C3orf20: variants seen among roughly 807,000 people sequenced by gnomAD.
The protein encoded by C3orf20 is family with sequence similarity 149 member C.
In C3orf20, 76 loss-of-function variants were observed where a neutral mutation model predicts 88.3. The ratio of observed to expected loss-of-function variants is 0.86; its 90% confidence interval spans 0.72 to 1.04. C3orf20 has a LOEUF of 1.04. Ranked by LOEUF, C3orf20 falls within the 50% of genes least tolerant of loss-of-function variation. The probability of loss-of-function intolerance (pLI) is 0.00; values close to 1 mark genes in which losing one functional copy is unlikely to be tolerated. For missense variants in C3orf20, 1,056 were observed against 1,123.3 expected (o/e 0.94, Z 0.86); for synonymous variants, 436 against 437.4 (o/e 1.00, Z 0.04).
At position 14,738,234 on chromosome 3, in the gene C3orf20, C is replaced by A. The variant is rs144490413; in HGVS notation, c.1940+9546C>A. ...CCAGGCTGGAGTACAGTGGTGCAAT[C>A]TTGGCTCACTGCAACCTCTGCCCCC... On this transcript the variant is annotated intron_variant, in intron 12 of 16. Coordinates refer to ENST00000253697, the MANE Select transcript of C3orf20 (RefSeq NM_032137.5). 1.0e-4 allele frequency among the ~76,000 whole-genome samples: 14 copies of A among 136,558 alleles called. No individual in the cohort carries two copies. The East Asian group carries it at 3.1e-3, about 31-fold the overall frequency. The allele number at this position is 136,558 out of a possible 152,430, so 89.6% of individuals were successfully genotyped here.
At chr3:14,729,839 C>G (rs915547880) in intron 12 of C3orf20, among the ~76,000 whole-genome samples, 2 of 152,226 alleles carry the variant, frequency 1.3e-5, no homozygotes, top group Non-Finnish European at 2.9e-5. Flanking sequence ...GCCACTGCAC[C>G]TGGCCTGGGA....
rs1207955151 is a variant in C3orf20, at chr3:14,675,417, C to A, written c.-299+165C>A. ...ATGTTTAAAGTGTGTGTACTGGGGG[C>A]GAGAGGCCAGGAATGATATGATGGG... On this transcript the variant is annotated intron_variant, in intron 1 of 16. Coordinates refer to ENST00000253697, the MANE Select transcript of C3orf20 (RefSeq NM_032137.5). Among the ~76,000 whole-genome samples the A allele has an allele frequency of 2.0e-5, 3 of 152,102 alleles. No homozygotes were observed. In the East Asian group the frequency reaches 5.8e-4, roughly 29 times the overall value.
chr3:14,756,601 G>C (rs1559443343), intron 12 of C3orf20, among the ~76,000 whole-genome samples: 1 of 152,162 alleles, frequency 6.6e-6, no homozygotes, highest in Non-Finnish European at 1.5e-5. Context: ...CATTAAGAAG[G>C]TAACGTTTGG....
chr3:14,773,020 C>T lies in C3orf20; in HGVS notation c.*145C>T, dbSNP rs917203769. On this transcript the variant is annotated 3_prime_UTR_variant, in exon 17 of 17. Transcript: ENST00000253697. Reference sequence around the variant, plus strand: ...GCGGGCCTCCAGCATTGGGGTGAGGCTCTGGGGAAGGACAGACCCAGCTCA... The same window carrying T: ...GCGGGCCTCCAGCATTGGGGTGAGGTTCTGGGGAAGGACAGACCCAGCTCA... 1 of 659,678 alleles carries T rather than the reference C, an allele frequency of 1.5e-6. No homozygotes were observed. Among genetic ancestry groups the T allele is most frequent in the Non-Finnish European group, 2.7e-6 (1 of 365,752 alleles). The allele number at this position is 659,678 out of a possible 1,614,324, so 40.9% of individuals were successfully genotyped here. A position where few individuals can be genotyped will look rare whatever the true frequency, so the allele number is the denominator to read the frequency against.
Position 14,690,069 on chromosome 3 carries a change from G to T in C3orf20, c.698G>T (p.Cys233Phe), listed in dbSNP as rs934987597. 1.9e-6 allele frequency: 3 copies of T among 1,614,070 alleles called. No individual in the cohort carries two copies. The highest frequency in any genetic ancestry group is 1.7e-6 in the Non-Finnish European group (2 of 1,180,042). The change falls in exon 5 of 17, where the codon TGT (cysteine) becomes TTT (phenylalanine). Residue 233 changes from cysteine to phenylalanine, a missense_variant. By Grantham distance (205) the Cys-to-Phe change is radical (BLOSUM62 -2). Coordinates refer to ENST00000253697, the MANE Select transcript of C3orf20 (RefSeq NM_032137.5). ...CTGATCTACCACTCTTCCACAGCCT[G>T]TCTGAGCTTTTCTCTCTCTGCTGGA... ...YQLIYHSSTA[C>F]LSFSLSAGKE...
intron 7 of C3orf20, 40 bp from the exon 8 acceptor site, chr3:14,713,967 G>C: frequency 6.2e-7 from 1 of 1,611,254 alleles, no homozygotes; most frequent in Non-Finnish European, 8.5e-7. Flanking sequence ...AGCAGAACCA[G>C]GGGAGTTTTC....
intron 7 of C3orf20, among the ~76,000 whole-genome samples, chr3:14,708,913 G>A (rs1004814574): frequency 1.3e-5 from 2 of 152,054 alleles, no homozygotes; most frequent in Non-Finnish European, 2.9e-5. Context: ...CAAAGTGCTG[G>A]GATTACAGGC....
chr3:14,684,490 G>A (rs1003464380), intron 4 of C3orf20, 108 bp downstream of exon 4: 1 of 1,407,210 alleles, frequency 7.1e-7, no homozygotes, highest in African/African-American at 1.4e-5. Flanking sequence ...TCCAAGAATT[G>A]AGGTGGATGT....
At chr3:14,675,588 G>T (rs1445813049) in intron 1 of C3orf20, among the ~76,000 whole-genome samples, 3 of 152,182 alleles carry the variant, frequency 2.0e-5, no homozygotes, top group Non-Finnish European at 4.4e-5. Context: ...GTCACTCATA[G>T]TAAGTGTGTG....
chr3:14,731,456 A>C (rs2034539019), intron 12 of C3orf20, among the ~76,000 whole-genome samples: 1 of 152,220 alleles, frequency 6.6e-6, no homozygotes, highest in African/African-American at 2.4e-5. Flanking sequence ...ATGGAAGGAC[A>C]CATGATATGA....
chr3:14,692,669 C>T (rs1246809556), intron 5 of C3orf20, among the ~76,000 whole-genome samples: 3 of 152,190 alleles, frequency 2.0e-5, no homozygotes, highest in East Asian at 1.9e-4. Context: ...TATTTTCTCC[C>T]ATTCTGTGGG....
chr3:14,733,715 A>C (rs2034612000), intron 12 of C3orf20, among the ~76,000 whole-genome samples: 1 of 148,724 alleles, frequency 6.7e-6, no homozygotes, highest in African/African-American at 2.5e-5. Context: ...TTTGAAACGG[A>C]GTCTCACTCT....
At position 14,684,464 on chromosome 3, in the gene C3orf20, T is replaced by C; in HGVS notation, c.625+82T>C. On this transcript the variant is annotated intron_variant, in intron 4 of 16. Transcript: ENST00000253697. ...GCAATGGAAAGGCAAAACCCCCAGT[T>C]TGAAGGTTTGACATTTCCAAGAATT... 8 of 1,530,058 alleles carry C rather than the reference T, an allele frequency of 5.2e-6. No individual in the cohort carries two copies. The South Asian group carries it at 1.0e-4, about 19-fold the overall frequency. The allele number at this position is 1,530,058 out of a possible 1,614,324, so 94.8% of individuals were successfully genotyped here.
At chr3:14,716,707 A>G (rs940617481) in intron 9 of C3orf20, among the ~76,000 whole-genome samples, 7 of 152,136 alleles carry the variant, frequency 4.6e-5, no homozygotes, top group Admixed American at 2.6e-4. Context: ...ACCCATTTCT[A>G]TCTTCCCACA....
At position 14,688,885 on chromosome 3, in the gene C3orf20, A is replaced by G. The variant is rs189387240; in HGVS notation, c.626-1112A>G. Among the ~76,000 whole-genome samples, 355 of 152,188 alleles carry G rather than the reference A, an allele frequency of 2.3e-3. 2 individuals carry two copies. Among genetic ancestry groups the G allele is most frequent in the Admixed American group, 2.9e-3 (45 of 15,290 alleles). ...CAGCTGTTTTCCAACATGGCTATAT[A>G]CTTTAAATAATTGTCATTTTGAGTG... On this transcript the variant is annotated intron_variant, in intron 4 of 16. Transcript: ENST00000253697.
intron 3 of C3orf20, among the ~76,000 whole-genome samples, chr3:14,683,696 T>C (rs1308885232): frequency 1.3e-5 from 2 of 151,536 alleles, no homozygotes; most frequent in African/African-American, 4.9e-5. Flanking sequence ...GCCAATATGG[T>C]GAAACCCTGA....
rs1386643690 is a variant in C3orf20, at chr3:14,701,189, G to A, written c.746-1941G>A. On this transcript the variant is annotated intron_variant, in intron 5 of 16. Transcript: ENST00000253697. The surrounding 1 kb of genome is among the most constrained non-coding windows in gnomAD (Gnocchi z 4.6). ...CAGTCTCTGGTCCCTGTTGGCAGGA[G>A]AAGTGGGGGAAGTGACCAGGAACCA... 6.6e-6 allele frequency among the ~76,000 whole-genome samples: 1 copy of A among 152,130 alleles called. No homozygotes were observed. Among genetic ancestry groups the A allele is most frequent in the African/African-American group, 2.4e-5 (1 of 41,422 alleles).
At chr3:14,741,624 G>T (rs1329323855) in intron 12 of C3orf20, among the ~76,000 whole-genome samples, 3 of 152,176 alleles carry the variant, frequency 2.0e-5, no homozygotes, top group Non-Finnish European at 4.4e-5. Flanking sequence ...TGTTCTGTGG[G>T]GATTCTTGGC....
chr3:14,743,272 C>A (rs546674899), intron 12 of C3orf20, among the ~76,000 whole-genome samples: 1 of 152,064 alleles, frequency 6.6e-6, no homozygotes, highest in African/African-American at 2.4e-5. Context: ...AAAGGGGTTA[C>A]AGGGCCCGAG....
Sources: gnomAD v4.1 joint callset for allele counts (sites outside exome capture counted in the v4.1 genomes callset) on GRCh38, gnomAD v4.1.1 for gene constraint, Gnocchi (gnomAD v3.1) non-coding constraint, MANE v1.5 for transcripts, NCBI Gene and HGNC (gene_info 2026-07-23, HGNC 2026-07-21) for gene names.